The following DMGDH variants were observed in gnomAD, a reference collection of about 807,000 sequenced individuals.
DMGDH encodes dimethylglycine dehydrogenase, also known as dimethylglycine dehydrogenase, mitochondrial.
Under a neutral mutation model 95.2 loss-of-function variants are expected in DMGDH, and 76 were observed. That is an observed-to-expected ratio of 0.80 (90% CI 0.66 to 0.97). The LOEUF is 0.97. DMGDH is among the 50% of genes least tolerant of loss of function. DMGDH has a pLI of 0.00. For missense variants in DMGDH, 987 were observed against 1,055.0 expected, an observed-to-expected ratio of 0.94 and a Z score of 0.89; for synonymous variants, 345 against 377.6, an observed-to-expected ratio of 0.91 and a Z score of 1.00.
intron 15 of DMGDH, 141 bp from the exon 16 acceptor site, chr5:78,998,438 A>C (rs1349489643): frequency 1.4e-6 from 1 of 739,078 alleles, no homozygotes; most frequent in Non-Finnish European, 2.3e-6. Flanking sequence ...ACAACGCCAG[A>C]GACACAGGAG....
chr5:79,017,554 G>A (rs1168461900), intron 14 of DMGDH, among the ~76,000 whole-genome samples: 2 of 152,168 alleles, frequency 1.3e-5, no homozygotes, highest in Non-Finnish European at 2.9e-5. Flanking sequence ...ACATACTGCT[G>A]GTAGGACTAT....
chr5:79,002,349 C>T (rs1753468486), intron 15 of DMGDH, among the ~76,000 whole-genome samples: 1 of 152,178 alleles, frequency 6.6e-6, no homozygotes, highest in Admixed American at 6.5e-5. Flanking sequence ...ATAAAGAAAG[C>T]CTTTCTCATG....
chr5:79,051,422 C>T lies in DMGDH; in HGVS notation c.610G>A (p.Ala204Thr), dbSNP rs759708413. ...DPYSLTMALAAGARKCGALLK... is the reference protein window; with the variant it reads ...DPYSLTMALATGARKCGALLK... ...AGGGCACCACATTTCCTAGCCCCAG[C>T]AGCCAGTGCCATAGTTAGAGAATAA... Residue 204 changes from alanine (A) to threonine (T), a missense_variant, in exon 5 of 16, where the codon GCT becomes ACT. Physicochemically the swap from Ala to Thr is moderately conservative, Grantham distance 58. Coordinates refer to ENST00000255189, the MANE Select transcript of DMGDH (RefSeq NM_013391.3). 2 of 1,614,194 alleles carry T rather than the reference C, an allele frequency of 1.2e-6. No individual in the cohort carries two copies. Among genetic ancestry groups the T allele is most frequent in the South Asian group, 1.1e-5 (1 of 91,084 alleles).
At chr5:79,068,350 A>G (rs527281597) in intron 1 of DMGDH, among the ~76,000 whole-genome samples, 32 of 152,326 alleles carry the variant, frequency 2.1e-4, no homozygotes, top group African/African-American at 7.7e-4. Flanking sequence ...TTGCTTTACA[A>G]TTTACAAAGC....
chr5:79,016,153 G>A (rs771291234), intron 14 of DMGDH, among the ~76,000 whole-genome samples: 21 of 151,652 alleles, frequency 1.4e-4, no homozygotes, highest in Admixed American at 2.6e-4. Flanking sequence ...CAGGAGAATC[G>A]CTTGAACCCG....
intron 14 of DMGDH, among the ~76,000 whole-genome samples, chr5:79,006,992 C>A (rs1447893662): frequency 6.6e-6 from 1 of 152,148 alleles, no homozygotes; most frequent in Non-Finnish European, 1.5e-5. Flanking sequence ...AAATAATGTG[C>A]AAAATGAACA....
At chr5:79,035,007 A>C (rs58898005) in intron 7 of DMGDH, among the ~76,000 whole-genome samples, 5 of 140,144 alleles carry the variant, frequency 3.6e-5, no homozygotes, top group African/African-American at 1.3e-4. Context: ...CAGTGAGCCG[A>C]GATCGCGCCA....
At chr5:79,046,708 A>G (rs1258639151) in intron 5 of DMGDH, among the ~76,000 whole-genome samples, 2 of 152,200 alleles carry the variant, frequency 1.3e-5, no homozygotes, top group Non-Finnish European at 2.9e-5. Flanking sequence ...GCTAGTAGGA[A>G]GATGTGAATT....
In DMGDH at chr5:79,063,715, G is replaced by C; in HGVS notation, c.174C>G (p.Gly58=). ...GATAAGCCAGACTCACACCAACACAGCCACCTCCAATTATCACTGTTTCTG... is the reference window on the plus strand; with the variant it reads ...GATAAGCCAGACTCACACCAACACACCCACCTCCAATTATCACTGTTTCTG... ...DRAETVIIGG[G]CVGVSLAYHL... The change falls in exon 2 of 16, where the codon GGC becomes GGG. Residue 58 remains glycine (G), a synonymous_variant. Coordinates refer to ENST00000255189, the MANE Select transcript of DMGDH (RefSeq NM_013391.3). 6.2e-7 allele frequency: 1 copy of C among 1,614,178 alleles called. No homozygotes were observed. Among genetic ancestry groups the C allele is most frequent in the Non-Finnish European group, 8.5e-7 (1 of 1,180,028 alleles).
chr5:79,029,534 G>C (rs1455848313), intron 11 of DMGDH, among the ~76,000 whole-genome samples: 2 of 152,140 alleles, frequency 1.3e-5, no homozygotes, highest in African/African-American at 2.4e-5. Context: ...GAATCAAAAA[G>C]CTCGTGTGAG....
intron 2 of DMGDH, among the ~76,000 whole-genome samples, chr5:79,059,878 C>T (rs1755145617): frequency 6.6e-6 from 1 of 152,200 alleles, no homozygotes; most frequent in Non-Finnish European, 1.5e-5. Flanking sequence ...ACCAGGAAAC[C>T]TGTATGTAAT....
At chr5:79,014,584 G>A (rs1301128767) in intron 14 of DMGDH, among the ~76,000 whole-genome samples, 1 of 151,914 alleles carries the variant, frequency 6.6e-6, no homozygotes, top group Non-Finnish European at 1.5e-5. Flanking sequence ...CTTCCTTACT[G>A]GGATCTTAAA....
intron 12 of DMGDH, 25 bp downstream of exon 12, chr5:79,028,408 A>G (rs750453237): frequency 6.7e-5 from 104 of 1,560,430 alleles, no homozygotes; most frequent in Non-Finnish European, 8.8e-5. Flanking sequence ...TCAGAGACTT[A>G]GTCCAGGTTG....
intron 7 of DMGDH, among the ~76,000 whole-genome samples, chr5:79,040,112 T>A (rs889971349): frequency 6.6e-6 from 1 of 152,212 alleles, no homozygotes; most frequent in Non-Finnish European, 1.5e-5. Flanking sequence ...TGGTCAGAAG[T>A]ATGGGTGTCT....
intron 7 of DMGDH, among the ~76,000 whole-genome samples, chr5:79,037,311 G>T (rs1047417804): frequency 6.6e-6 from 1 of 152,166 alleles, no homozygotes; most frequent in South Asian, 2.1e-4. Flanking sequence ...TAACCACATG[G>T]TCAAGACTCT....
chr5:79,064,999 C>T lies in DMGDH; in HGVS notation c.102-1212G>A, dbSNP rs565037453. On this transcript the variant is annotated intron_variant, in intron 1 of 15. Coordinates refer to ENST00000255189, the MANE Select transcript of DMGDH (RefSeq NM_013391.3). ...TCCTGACCTCAAGTGATCCTCCAGC[C>T]TTGGCCTCCCAGAGTGCTGGGATTA... Among the ~76,000 whole-genome samples the T allele has an allele frequency of 1.9e-4, 29 of 152,230 alleles. No homozygotes were observed. The South Asian group carries it at 3.3e-3, about 17-fold the overall frequency.
Position 78,997,947 on chromosome 5 carries a change from T to C in DMGDH, c.*135A>G, listed in dbSNP as rs2112594079. 2 of 905,054 alleles carry C rather than the reference T, an allele frequency of 2.2e-6. No homozygotes were observed. The highest frequency in any genetic ancestry group is 3.4e-6 in the Non-Finnish European group (2 of 583,474). The allele number at this position is 905,054 out of a possible 1,614,324, so 56.1% of individuals were successfully genotyped here. A position where few individuals can be genotyped will look rare whatever the true frequency, so the allele number is the denominator to read the frequency against. ...GAAAACACTTAACAGAAAGGTTTCATTAAGATTCTAAATTTAGACTTTGAT... is the reference window on the plus strand; with the variant it reads ...GAAAACACTTAACAGAAAGGTTTCACTAAGATTCTAAATTTAGACTTTGAT... On this transcript the variant is annotated 3_prime_UTR_variant, in exon 16 of 16. Coordinates refer to ENST00000255189, the MANE Select transcript of DMGDH (RefSeq NM_013391.3).
intron 14 of DMGDH, among the ~76,000 whole-genome samples, chr5:79,007,091 G>C (rs1753562694): frequency 6.6e-6 from 1 of 152,150 alleles, no homozygotes; most frequent in Non-Finnish European, 1.5e-5. Flanking sequence ...AAAATTTAAA[G>C]AAGATTGGAA....
intron 2 of DMGDH, among the ~76,000 whole-genome samples, chr5:79,059,878 C>G (rs1755145617): frequency 6.6e-6 from 1 of 152,200 alleles, no homozygotes; most frequent in Admixed American, 6.5e-5. Context: ...ACCAGGAAAC[C>G]TGTATGTAAT....
Sources: gnomAD v4.1 joint callset for allele counts (sites outside exome capture counted in the v4.1 genomes callset) on GRCh38, gnomAD v4.1.1 for gene constraint, MANE v1.5 for transcripts, NCBI Gene and HGNC (gene_info 2026-07-23, HGNC 2026-07-21) for gene names.